GALNT14: variants seen among roughly 807,000 people sequenced by gnomAD.
GALNT14 encodes polypeptide N-acetylgalactosaminyltransferase 14.
GALNT14 carries 60 observed loss-of-function variants against 77.5 expected under a neutral mutation model. The ratio of observed to expected loss-of-function variants is 0.77; its 90% confidence interval spans 0.63 to 0.96. The LOEUF (loss-of-function observed/expected upper bound fraction) is 0.96. Ranked by LOEUF, GALNT14 falls within the 40% of genes least tolerant of loss-of-function variation. The pLI is 0.00. For missense variants in GALNT14, 710 were observed against 731.0 expected (o/e 0.97, Z 0.33); for synonymous variants, 280 against 281.7 (o/e 0.99, Z 0.06).
intron 1 of GALNT14, among the ~76,000 whole-genome samples, chr2:31,058,517 G>A (rs1194984542): frequency 2.6e-5 from 4 of 152,072 alleles, no homozygotes; most frequent in African/African-American, 9.7e-5. Context: ...GTGGACTAAG[G>A]ACTCCAAGAC....
chr2:30,987,264 G>C (rs942458121), intron 2 of GALNT14, among the ~76,000 whole-genome samples: 6 of 152,106 alleles, frequency 3.9e-5, no homozygotes, highest in African/African-American at 1.4e-4. Flanking sequence ...TGCATGTAAG[G>C]GGTGAGGTGG....
At chr2:30,904,363 C>T in the GALNT14 span, among the ~76,000 whole-genome samples, 4 of 152,288 alleles carry the variant, frequency 2.6e-5, no homozygotes, top group African/African-American at 4.8e-5. Context: ...GCACTGTGTG[C>T]GAGCCGAAGC....
intron 1 of GALNT14, chr2:31,132,804 T>A (rs1679054388): frequency 2.2e-6 from 1 of 461,336 alleles, no homozygotes; most frequent in South Asian, 1.6e-5. Flanking sequence ...GAATTAGCCA[T>A]AAGATTAAAA....
chr2:30,959,783 T>C (rs1667576395), intron 3 of GALNT14, among the ~76,000 whole-genome samples: 1 of 152,204 alleles, frequency 6.6e-6, no homozygotes. Flanking sequence ...AGGTTAACTC[T>C]GTGTCTTAGG....
intron 1 of GALNT14, among the ~76,000 whole-genome samples, chr2:31,015,508 C>T (rs1214328917): frequency 6.6e-6 from 1 of 152,078 alleles, no homozygotes; most frequent in Non-Finnish European, 1.5e-5. Flanking sequence ...ATCAGAATGT[C>T]TGCAAAGTCT....
chr2:30,983,582 C>T (rs1409648319), intron 2 of GALNT14, among the ~76,000 whole-genome samples: 2 of 152,214 alleles, frequency 1.3e-5, no homozygotes, highest in Admixed American at 1.3e-4. Context: ...ACACAAGGTT[C>T]TTCTTGGGTT....
the GALNT14 span, among the ~76,000 whole-genome samples, chr2:30,904,187 A>C: frequency 2.0e-5 from 3 of 152,300 alleles, no homozygotes; most frequent in African/African-American, 7.2e-5. Flanking sequence ...CATCAATAGA[A>C]ACCCCTGATC....
intron 1 of GALNT14, among the ~76,000 whole-genome samples, chr2:31,135,014 T>C (rs1200999548): frequency 6.6e-6 from 1 of 152,228 alleles, no homozygotes; most frequent in Non-Finnish European, 1.5e-5. Flanking sequence ...TAAAGCCCTA[T>C]AGAAATGCTG....
At chr2:30,934,813 T>C (rs1665954694) in intron 9 of GALNT14, among the ~76,000 whole-genome samples, 1 of 152,176 alleles carries the variant, frequency 6.6e-6, no homozygotes, top group Non-Finnish European at 1.5e-5. Flanking sequence ...GTTCACTCTA[T>C]GCTGAGGACT....
intron 3 of GALNT14, among the ~76,000 whole-genome samples, chr2:30,963,096 C>T (rs1279394122): frequency 6.6e-6 from 1 of 152,156 alleles, no homozygotes; most frequent in Admixed American, 6.5e-5. Context: ...GAGCTCGGGG[C>T]TGGCTGACAT....
At chr2:31,035,598 TATACACACACACACACACCTACACACAC>T (rs1203699042) in intron 1 of GALNT14, among the ~76,000 whole-genome samples, 2 of 107,498 alleles carry the variant, frequency 1.9e-5, no homozygotes, top group African/African-American at 9.7e-5. Flanking sequence ...TACATATACA[TATACACACACACACACACCTACACACAC>T]ACACACACAC....
At chr2:31,060,368 A>AC in intron 1 of GALNT14, among the ~76,000 whole-genome samples, 1 of 152,330 alleles carries the variant, frequency 6.6e-6, no homozygotes, top group South Asian at 2.1e-4. Context: ...TTTCTTCAGA[A>AC]CAAGCCCTAT....
rs924397104 is a variant in GALNT14 at position 31,017,976 on chromosome 2, G to A, written c.130-24969C>T. On this transcript the variant is annotated intron_variant, in intron 1 of 14. Coordinates refer to ENST00000349752, the MANE Select transcript of GALNT14 (RefSeq NM_024572.4). ...TGGTGACAAGGGTAAAATTGCCCTCGCCACAGGGCCTCGGCCTTGGGGGCT... is the reference window on the plus strand; with the variant it reads ...TGGTGACAAGGGTAAAATTGCCCTCACCACAGGGCCTCGGCCTTGGGGGCT... 3.9e-5 allele frequency among the ~76,000 whole-genome samples: 6 copies of A among 152,298 alleles called. No individual in the cohort carries two copies. In the East Asian group the frequency reaches 7.7e-4, roughly 20 times the overall value.
At chr2:31,023,085 G>T (rs1423408771) in intron 1 of GALNT14, among the ~76,000 whole-genome samples, 1 of 152,116 alleles carries the variant, frequency 6.6e-6, no homozygotes, top group East Asian at 1.9e-4. Context: ...CATTTTGACA[G>T]ATTGAGATAT....
At chr2:31,092,337 AT>A (rs1481890678) in intron 1 of GALNT14, among the ~76,000 whole-genome samples, 1 of 151,710 alleles carries the variant, frequency 6.6e-6, no homozygotes, top group Admixed American at 6.6e-5. Flanking sequence ...GATCTCTTTT[AT>A]AAAGGCACTA....
In GALNT14 at chr2:30,922,590, A is replaced by G. The variant is rs201085889; in HGVS notation, c.1380+1529T>C. ...TGGGCCACCCTTTCTTCCCTTCCCA[A>G]CTTGGCCTATTTCTACTCATCTCTG... On this transcript the variant is annotated intron_variant, in intron 13 of 14. Coordinates refer to ENST00000349752, the MANE Select transcript of GALNT14 (RefSeq NM_024572.4). Among the ~76,000 whole-genome samples the G allele has an allele frequency of 4.6e-5, 7 of 152,044 alleles. No homozygotes were observed. The South Asian group carries it at 1.5e-3, about 32-fold the overall frequency.
chr2:31,056,925 A>G (rs1674244708), intron 1 of GALNT14, among the ~76,000 whole-genome samples: 1 of 152,204 alleles, frequency 6.6e-6, no homozygotes, highest in African/African-American at 2.4e-5. Flanking sequence ...TGTGGTACAT[A>G]TACACTACGG....
Position 31,036,273 on chromosome 2 carries a change from C to T in GALNT14, c.130-43266G>A, listed in dbSNP as rs188167774. The stretch of plus-strand genomic sequence containing the variant: ...TCTTCTAGCATACCATTTTTGTTCC[C>T]TTGTTGCTATTTTTTTTACTTATTT... On this transcript the variant is annotated intron_variant, in intron 1 of 14. Transcript: ENST00000349752. Among the ~76,000 whole-genome samples, 8 of 151,998 alleles carry T rather than the reference C, an allele frequency of 5.3e-5. No individual in the cohort carries two copies. In the East Asian group the frequency reaches 1.2e-3, roughly 22 times the overall value.
chr2:31,012,524 CA>C (rs1671096641), intron 1 of GALNT14, among the ~76,000 whole-genome samples: 1 of 152,172 alleles, frequency 6.6e-6, no homozygotes, highest in South Asian at 2.1e-4. Context: ...CTCACTCCAC[CA>C]AGGCCCTCAG....
Sources: allele counts gnomAD v4.1 joint callset (sites outside exome capture counted in the v4.1 genomes callset), GRCh38; gene constraint gnomAD v4.1.1; transcripts MANE v1.5; gene names NCBI Gene and HGNC (gene_info 2026-07-23, HGNC 2026-07-21).